GP6: variants seen among roughly 807,000 people sequenced by gnomAD.
The protein encoded by GP6 is glycoprotein VI platelet, also known as platelet glycoprotein VI.
Under a neutral mutation model 37.3 loss-of-function variants are expected in GP6, and 45 were observed. That is an observed-to-expected ratio of 1.21 (90% confidence interval 0.95 to 1.55). The LOEUF (loss-of-function observed/expected upper bound fraction) is 1.55, where lower values mean the gene tolerates loss of function less well. GP6 is among the 40% of genes most tolerant of loss of function. GP6 has a pLI of 0.00. For missense variants in GP6, 813 were observed against 760.2 expected (o/e 1.07, Z -0.82); for synonymous variants, 340 against 316.4 (o/e 1.07, Z -0.79).
In GP6 at chr19:55,027,740, C is replaced by G. The variant is rs1171755793; in HGVS notation, c.448G>C (p.Asp150His). ...TCGGGATTCTTGTAGGGCGCAGGGT[C>G]CCCTTCCTTGTACAGAGCAAATTGG... The change falls in exon 4 of 8, where the codon GAC becomes CAC. Residue 150 changes from aspartate (D) to histidine (H), a missense_variant. By Grantham distance (81) the Asp-to-His change is moderately conservative. Transcript: ENST00000310373. 6.2e-7 allele frequency: 1 copy of G among 1,613,884 alleles called. No individual in the cohort carries two copies. The highest frequency in any genetic ancestry group is 2.2e-5 in the East Asian group (1 of 44,886).
chr19:55,026,222 G>A (rs1369261025), intron 4 of GP6, among the ~76,000 whole-genome samples: 2 of 152,192 alleles, frequency 1.3e-5, no homozygotes, highest in East Asian at 3.8e-4. Context: ...ATATGACATT[G>A]TTAAATGTAC....
At chr19:55,022,532 TAAAG>T (rs2074122388) in intron 5 of GP6, among the ~76,000 whole-genome samples, 1 of 152,188 alleles carries the variant, frequency 6.6e-6, no homozygotes, top group Admixed American at 6.5e-5. Flanking sequence ...GAGAAAGAAA[TAAAG>T]GATACTCAAA....
intron 4 of GP6, among the ~76,000 whole-genome samples, chr19:55,025,916 C>T (rs369606581): frequency 6.7e-6 from 1 of 148,256 alleles, no homozygotes; most frequent in Non-Finnish European, 1.5e-5. Context: ...GCAGGAGAAT[C>T]GCTTAAACCC....
chr19:55,024,570 A>G (rs527781918), intron 5 of GP6, among the ~76,000 whole-genome samples: 2 of 152,326 alleles, frequency 1.3e-5, no homozygotes, highest in South Asian at 2.1e-4. Context: ...CTTAAAGTGC[A>G]GGCCGTAGTC....
rs2074049077 is a variant in GP6 at position 55,020,819 on chromosome 19, G to A, written c.665-2108C>T. Among the ~76,000 whole-genome samples the A allele has an allele frequency of 2.6e-5, 4 of 151,850 alleles. No individual in the cohort carries two copies. The South Asian group carries it at 8.3e-4, about 32-fold the overall frequency. ...TAATCCCAGCACTTTGGGAGGCCGA[G>A]GTGGGCAGATCACCTGAGGTCAGGA... On this transcript the variant is annotated intron_variant, in intron 5 of 7. Coordinates refer to ENST00000310373, the MANE Select transcript of GP6 (RefSeq NM_001083899.2).
intron 1 of GP6, among the ~76,000 whole-genome samples, chr19:55,035,096 A>G (rs549160781): frequency 1.3e-5 from 2 of 152,270 alleles, no homozygotes; most frequent in Non-Finnish European, 2.9e-5. Flanking sequence ...AGTCGCCATA[A>G]TCGTACGGGT....
At position 55,014,599 on chromosome 19, in the gene GP6, C is replaced by T; in HGVS notation, c.1346G>A (p.Trp449Ter). The stretch of plus-strand genomic sequence containing the variant: ...GAACCTTAGAGATCCGTCTGGAGCC[C>T]ATATTAGAGAGGTTGAAGAAAGAGG... The change falls in exon 8 of 8, where the codon TGG becomes TAG. Residue 449 changes from tryptophan (W) to a stop codon, truncating the protein, a stop_gained. Coordinates refer to ENST00000310373, the MANE Select transcript of GP6 (RefSeq NM_001083899.2). LOFTEE classifies it low-confidence loss of function (END_TRUNC). The T allele has an allele frequency of 6.2e-7, 1 of 1,613,942 alleles. No homozygotes were observed. The highest frequency in any genetic ancestry group is 8.5e-7 in the Non-Finnish European group (1 of 1,179,882).
intron 5 of GP6, among the ~76,000 whole-genome samples, chr19:55,024,877 TGTTGGTTGGTTGGTTG>T (rs10526819): frequency 9.3e-5 from 14 of 150,704 alleles, no homozygotes; most frequent in Non-Finnish European, 2.1e-4. Context: ...TCTACAGGTT[TGTTGGTTGGTTGGTTG>T]GTTGGTTGGT....
At chr19:55,018,338 G>A (rs930105084) in intron 6 of GP6, among the ~76,000 whole-genome samples, 4 of 152,340 alleles carry the variant, frequency 2.6e-5, no homozygotes, top group South Asian at 2.1e-4. Context: ...AGTGAGGAGC[G>A]AGATTAAATA....
chr19:55,020,137 G>GCTCA (rs2074024369), intron 5 of GP6, among the ~76,000 whole-genome samples: 3 of 151,838 alleles, frequency 2.0e-5, no homozygotes, highest in Admixed American at 2.0e-4. Flanking sequence ...AGCTCTCGGT[G>GCTCA]GCATAATGAG....
At chr19:55,037,623 CTTTTTTTTTTTTTTTT>C (rs1179101360) in intron 1 of GP6, among the ~76,000 whole-genome samples, 1 of 50,410 alleles carries the variant, frequency 2.0e-5, no homozygotes, top group African/African-American at 7.9e-5. Flanking sequence ...GGCACTCAGC[CTTTTTTTTTTTTTTTT>C]TTTTTTTTTT....
At chr19:55,017,529 GAAAA>G (rs1568596378) in intron 6 of GP6, among the ~76,000 whole-genome samples, 4 of 152,158 alleles carry the variant, frequency 2.6e-5, no homozygotes, top group African/African-American at 7.2e-5. Flanking sequence ...GGAAATGGAA[GAAAA>G]GGCAGAGTGA....
At chr19:55,015,771 A>T (rs752549392) in intron 6 of GP6, 38 bp from the exon 7 acceptor site, 2 of 1,098,516 alleles carry the variant, frequency 1.8e-6, no homozygotes, top group Admixed American at 1.7e-5. Flanking sequence ...AAATGAAACC[A>T]TATTCCCGCC....
chr19:55,018,275 T>C (rs1602543294), intron 6 of GP6, among the ~76,000 whole-genome samples: 1 of 152,338 alleles, frequency 6.6e-6, no homozygotes, highest in South Asian at 2.1e-4. Flanking sequence ...AGATGTGCTG[T>C]GTCCAGGTGC....
chr19:55,026,365 A>C (rs528976167), intron 4 of GP6, among the ~76,000 whole-genome samples: 7 of 152,236 alleles, frequency 4.6e-5, no homozygotes, highest in African/African-American at 1.4e-4. Flanking sequence ...GGCCCTTAAC[A>C]ACCACCATTG....
chr19:55,028,593 C>T (rs2074398745), intron 3 of GP6, among the ~76,000 whole-genome samples: 1 of 152,216 alleles, frequency 6.6e-6, no homozygotes, highest in African/African-American at 2.4e-5. Flanking sequence ...TATATCAAAA[C>T]ATCAACTTGT....
Position 55,038,215 on chromosome 19 carries a change from G to A in GP6, c.22C>T (p.Leu8Phe), listed in dbSNP as rs1225877608. ...CCTCAGGACTCACCAAGACAGAAGAGGGCGGTCGGGGATGGAGACATGGTT... is the reference window on the plus strand; with the variant it reads ...CCTCAGGACTCACCAAGACAGAAGAAGGCGGTCGGGGATGGAGACATGGTT... The change falls in exon 1 of 8, where the codon CTC (leucine) becomes TTC (phenylalanine). Residue 8 changes from leucine (L) to phenylalanine (F), a missense_variant. Transcript: ENST00000310373. The A allele has an allele frequency of 6.3e-7, 1 of 1,592,236 alleles. No individual in the cohort carries two copies. Among genetic ancestry groups the A allele is most frequent in the Non-Finnish European group, 8.6e-7 (1 of 1,168,242 alleles).
At chr19:55,021,520 G>GTT (rs1555797168) in intron 5 of GP6, among the ~76,000 whole-genome samples, 3,055 of 126,150 alleles carry the variant, frequency 0.024, 107 homozygotes, top group Non-Finnish European at 0.027. Context: ...ACTTTTGTTG[G>GTT]TTTTTTTTTT....
chr19:55,024,327 T>TGCACGCACACAC (rs1568613211), intron 5 of GP6, among the ~76,000 whole-genome samples: 571 of 30,190 alleles, frequency 0.019, 7 homozygotes, highest in African/African-American at 0.031. Flanking sequence ...CACACACACA[T>TGCACGCACACAC]ATGCACGCAC....
Sources: allele counts gnomAD v4.1 joint callset (sites outside exome capture counted in the v4.1 genomes callset), GRCh38; gene constraint gnomAD v4.1.1; transcripts MANE v1.5; gene names NCBI Gene and HGNC (gene_info 2026-07-23, HGNC 2026-07-21).